TEX29: variants seen among roughly 807,000 people sequenced by gnomAD.
TEX29 encodes testis expressed 29.
A neutral mutation model predicts 18.2 loss-of-function variants in TEX29; 26 were observed. The ratio of observed to expected loss-of-function variants is 1.43; its 90% CI spans 1.04 to 1.98. The LOEUF is 1.98. Ranked by LOEUF, TEX29 falls within the 30% of genes most tolerant of loss-of-function variation. TEX29 has a pLI of 0.00. For synonymous variants in TEX29, 83 were observed against 78.5 expected (o/e 1.06, Z -0.31); for missense variants, 177 against 194.2 (o/e 0.91, Z 0.53).
intron 3 of TEX29, among the ~76,000 whole-genome samples, chr13:111,335,990 G>A (rs1388040507): frequency 6.6e-6 from 1 of 152,168 alleles, no homozygotes; most frequent in African/African-American, 2.4e-5. Flanking sequence ...TAGAACAATC[G>A]CCGCATGCCT....
chr13:111,333,004 A>G (rs537424447), intron 3 of TEX29, among the ~76,000 whole-genome samples: 20 of 152,348 alleles, frequency 1.3e-4, no homozygotes, highest in African/African-American at 3.4e-4. Flanking sequence ...GAGTTGCTGT[A>G]TATAAAATTG....
At chr13:111,333,138 C>T (rs572114632) in intron 3 of TEX29, among the ~76,000 whole-genome samples, 1 of 152,316 alleles carries the variant, frequency 6.6e-6, no homozygotes, top group African/African-American at 2.4e-5. Flanking sequence ...TGTCACTTCT[C>T]TTATGCTGCT....
At chr13:111,318,895 A>C (rs1356891697), upstream of TEX29, among the ~76,000 whole-genome samples, 2 of 152,216 alleles carry the variant, frequency 1.3e-5, no homozygotes, top group Admixed American at 1.3e-4. Context: ...AACAGCGGAC[A>C]CTTTTTGCTC....
chr13:111,333,736 G>A (rs923767316), intron 3 of TEX29, among the ~76,000 whole-genome samples: 3 of 152,140 alleles, frequency 2.0e-5, no homozygotes, highest in Admixed American at 6.5e-5. Context: ...ATGCCAGAAG[G>A]CAAAGGTGAA....
intron 3 of TEX29, among the ~76,000 whole-genome samples, chr13:111,332,317 T>C (rs950069527): frequency 2.0e-5 from 3 of 152,202 alleles, no homozygotes; most frequent in Non-Finnish European, 2.9e-5. Context: ...ATAAATGGAA[T>C]TGTTTTGTTC....
At chr13:111,339,152 G>A (rs1465554174) in intron 3 of TEX29, 2 of 422,644 alleles carry the variant, frequency 4.7e-6, no homozygotes, top group Non-Finnish European at 9.5e-6. Flanking sequence ...GCCCCTCGTG[G>A]CCACCTGGGG....
chr13:111,338,219 G>A lies in TEX29; in HGVS notation c.170-1644G>A, dbSNP rs142571473. 7.9e-5 allele frequency among the ~76,000 whole-genome samples: 12 copies of A among 152,284 alleles called. No homozygotes were observed. The East Asian group carries it at 1.7e-3, about 22-fold the overall frequency. Reference sequence around the variant, plus strand: ...AATGTGACCTAATTTAGAAAAAAGGGTCTTTGCAGGTGTAATTAGGTAAGA... The same window carrying A: ...AATGTGACCTAATTTAGAAAAAAGGATCTTTGCAGGTGTAATTAGGTAAGA... On this transcript the variant is annotated intron_variant, in intron 3 of 5. Transcript: ENST00000283547.
chr13:111,343,074 A>G lies in TEX29; in HGVS notation c.415+143A>G, dbSNP rs1201384026. Reference sequence around the variant, plus strand: ...AGTGTTGCAGTTTGTTCAAAATTGTAATGTACCCAACATTGGAGGTTCAGG... The same window carrying G: ...AGTGTTGCAGTTTGTTCAAAATTGTGATGTACCCAACATTGGAGGTTCAGG... On this transcript the variant is annotated intron_variant, in intron 5 of 5. Transcript: ENST00000283547. 11 of 1,027,414 alleles carry G rather than the reference A, an allele frequency of 1.1e-5. No individual in the cohort carries two copies. The South Asian group carries it at 1.4e-4, about 13-fold the overall frequency. The allele number at this position is 1,027,414 out of a possible 1,614,324, so 63.6% of individuals were successfully genotyped here.
At chr13:111,327,612 G>C (rs529327427) in intron 2 of TEX29, among the ~76,000 whole-genome samples, 70 of 152,326 alleles carry the variant, frequency 4.6e-4, no homozygotes, top group African/African-American at 1.6e-3. Context: ...CATGTGTGAG[G>C]CTGCTGAACT....
upstream of TEX29, chr13:111,320,607 C>G (rs536379629): frequency 1.9e-6 from 1 of 524,910 alleles, no homozygotes; most frequent in Non-Finnish European, 3.5e-6. Flanking sequence ...TCACAGCGGG[C>G]GGGGTGGTGT....
chr13:111,325,484 A>G (rs1478318269), intron 2 of TEX29, among the ~76,000 whole-genome samples: 1 of 152,206 alleles, frequency 6.6e-6, no homozygotes, highest in Non-Finnish European at 1.5e-5. Flanking sequence ...ATCCCCCACC[A>G]TGTGGGAAGC....
chr13:111,318,078 G>T (rs1351876757), upstream of TEX29, among the ~76,000 whole-genome samples: 2 of 152,170 alleles, frequency 1.3e-5, no homozygotes, highest in Non-Finnish European at 2.9e-5. Context: ...TCAGCCTGTG[G>T]TGATGGGGAA....
chr13:111,317,611 C>T (rs2093656695), upstream of TEX29, among the ~76,000 whole-genome samples: 1 of 152,212 alleles, frequency 6.6e-6, no homozygotes, highest in Non-Finnish European at 1.5e-5. Flanking sequence ...GTTTATTGTC[C>T]CAGCGAAGTC....
rs1276059743 is a variant in TEX29, at chr13:111,339,744, A to G, written c.170-119A>G. On this transcript the variant is annotated intron_variant, in intron 3 of 5. Coordinates refer to ENST00000283547, the MANE Select transcript of TEX29 (RefSeq NM_152324.3). ...TGGGGAGGGTGGGTGAGGAGTGCTG[A>G]CCATGGGCAGCCGCGCCGGGAGGGC... The G allele has an allele frequency of 3.9e-5, 36 of 916,184 alleles. No individual in the cohort carries two copies. In the Admixed American group the frequency reaches 6.5e-4, roughly 16 times the overall value. The allele number at this position is 916,184 out of a possible 1,614,324, so 56.8% of individuals were successfully genotyped here.
intron 2 of TEX29, among the ~76,000 whole-genome samples, chr13:111,323,174 T>C (rs1346856145): frequency 2.0e-5 from 3 of 152,196 alleles, no homozygotes; most frequent in Non-Finnish European, 4.4e-5. Context: ...CTTCCCCATG[T>C]CCACACTCAC....
chr13:111,323,861 C>T (rs1408594748), intron 2 of TEX29, among the ~76,000 whole-genome samples: 1 of 152,238 alleles, frequency 6.6e-6, no homozygotes, highest in East Asian at 1.9e-4. Flanking sequence ...CCAGCTTCCT[C>T]CTCCTCCTCC....
intron 3 of TEX29, among the ~76,000 whole-genome samples, chr13:111,331,337 G>A (rs1363838108): frequency 1.7e-5 from 1 of 57,636 alleles, no homozygotes; most frequent in Non-Finnish European, 3.6e-5. Context: ...TTTTTTTTTT[G>A]GCTATTTGGA....
intron 3 of TEX29, among the ~76,000 whole-genome samples, chr13:111,337,009 C>A (rs1006700435): frequency 6.6e-6 from 1 of 152,204 alleles, no homozygotes; most frequent in Admixed American, 6.5e-5. Context: ...AGCCAAGACA[C>A]AAATTCATAC....
At chr13:111,325,732 G>A (rs532196672) in intron 2 of TEX29, among the ~76,000 whole-genome samples, 5 of 152,340 alleles carry the variant, frequency 3.3e-5, no homozygotes, top group African/African-American at 7.2e-5. Flanking sequence ...GAGGAGGCGC[G>A]GGAGGACTGC....
Sources: gnomAD v4.1 joint callset for allele counts (sites outside exome capture counted in the v4.1 genomes callset) on GRCh38, gnomAD v4.1.1 for gene constraint, MANE v1.5 for transcripts, NCBI Gene and HGNC (gene_info 2026-07-23, HGNC 2026-07-21) for gene names.